Variants in SAMSN1 observed in about 807,000 individuals in gnomAD.
SAMSN1 encodes the protein SAM domain, SH3 domain and nuclear localization signals 1.
In SAMSN1, 31 loss-of-function variants were observed where a neutral mutation model predicts 42.0. The ratio of observed to expected loss-of-function variants is 0.74; its 90% CI spans 0.55 to 1.00. The LOEUF (loss-of-function observed/expected upper bound fraction) is 1.00. Ranked by LOEUF, SAMSN1 falls within the 50% of genes least tolerant of loss-of-function variation. The pLI, the probability that SAMSN1 is intolerant of heterozygous loss-of-function variation, is 0.00. For missense variants in SAMSN1, 464 were observed against 439.4 expected (o/e 1.06, Z -0.50); for synonymous variants, 178 against 151.9 (o/e 1.17, Z -1.26).
intron 2 of SAMSN1, among the ~76,000 whole-genome samples, chr21:14,619,306 C>T (rs2123339527): frequency 6.6e-6 from 1 of 152,234 alleles, no homozygotes; most frequent in East Asian, 1.9e-4. Flanking sequence ...TGTTGCCTAG[C>T]TAATGGAAAT....
intron 1 of SAMSN1, among the ~76,000 whole-genome samples, chr21:14,532,053 G>C (rs1051395104): frequency 2.0e-5 from 3 of 151,998 alleles, no homozygotes; most frequent in Non-Finnish European, 4.4e-5. Context: ...TGGGCCCCCT[G>C]ATTAATGGTC....
intron 2 of SAMSN1, among the ~76,000 whole-genome samples, chr21:14,517,943 G>A (rs1987988222): frequency 6.6e-6 from 1 of 152,078 alleles, no homozygotes; most frequent in African/African-American, 2.4e-5. Flanking sequence ...TATGATCCCT[G>A]GACCAGCGGC....
intron 4 of SAMSN1, 146 bp downstream of exon 4, chr21:14,512,298 C>T (rs1987719942): frequency 1.2e-6 from 1 of 831,022 alleles, no homozygotes; most frequent in African/African-American, 1.7e-5. Context: ...ACAATAGCAA[C>T]TCTATATAGA....
intron 3 of SAMSN1, among the ~76,000 whole-genome samples, chr21:14,514,921 A>G (rs1987837476): frequency 6.6e-6 from 1 of 152,182 alleles, no homozygotes; most frequent in Non-Finnish European, 1.5e-5. Context: ...AAATCATGAG[A>G]GTAGATGAGC....
At chr21:14,590,594 AAAC>A (rs35766223) in intron 7 of SAMSN1, among the ~76,000 whole-genome samples, 122,519 of 151,734 alleles carry the variant, frequency 0.81, 50,162 homozygotes, top group African/African-American at 0.92. Flanking sequence ...GAAATTCTAT[AAAC>A]AACTACAAAA....
At chr21:14,524,902 G>T (rs1327699851) in intron 1 of SAMSN1, among the ~76,000 whole-genome samples, 2 of 152,026 alleles carry the variant, frequency 1.3e-5, no homozygotes, top group Non-Finnish European at 2.9e-5. Context: ...AGTTCATAAG[G>T]ATACTAAAAA....
At chr21:14,584,690 A>T (rs1351248617), upstream of SAMSN1, among the ~76,000 whole-genome samples, 1 of 152,200 alleles carries the variant, frequency 6.6e-6, no homozygotes, top group African/African-American at 2.4e-5. Flanking sequence ...TAGACTCAGA[A>T]ATATTTCTCC....
upstream of SAMSN1, among the ~76,000 whole-genome samples, chr21:14,548,840 C>T (rs538658358): frequency 6.6e-6 from 1 of 151,840 alleles, no homozygotes; most frequent in African/African-American, 2.4e-5. Flanking sequence ...TCAAAAGTCA[C>T]AGATGGACAG....
chr21:14,639,251 A>G (rs771094192), intron 2 of SAMSN1, among the ~76,000 whole-genome samples: 4 of 152,190 alleles, frequency 2.6e-5, no homozygotes, highest in Non-Finnish European at 5.9e-5. Context: ...GTAACAGAAT[A>G]CCTGAGACTG....
At chr21:14,567,254 G>A (rs573353708) in intron 2 of SAMSN1, among the ~76,000 whole-genome samples, 168 of 150,044 alleles carry the variant, frequency 1.1e-3, no homozygotes, top group African/African-American at 4.0e-3. Context: ...AGTTGCACGA[G>A]TAAGTCAGGT....
chr21:14,623,610 AC>A, intron 2 of SAMSN1, among the ~76,000 whole-genome samples: 1 of 152,306 alleles, frequency 6.6e-6, no homozygotes, highest in Admixed American at 6.5e-5. Flanking sequence ...AAACAGAAGC[AC>A]CCAGATTCAT....
intron 5 of SAMSN1, among the ~76,000 whole-genome samples, chr21:14,506,276 CA>C (rs1987397701): frequency 6.6e-6 from 1 of 151,980 alleles, no homozygotes. Flanking sequence ...ATAAATGAAA[CA>C]AAAAGCTGTT....
chr21:14,603,933 T>C (rs1266088270), intron 5 of SAMSN1, among the ~76,000 whole-genome samples: 1 of 152,156 alleles, frequency 6.6e-6, no homozygotes, highest in African/African-American at 2.4e-5. Context: ...GATATACAAA[T>C]ATACGGATTT....
intron 7 of SAMSN1, among the ~76,000 whole-genome samples, chr21:14,489,793 A>T (rs935999505): frequency 6.6e-6 from 1 of 152,170 alleles, no homozygotes; most frequent in African/African-American, 2.4e-5. Flanking sequence ...AAGCCCATGT[A>T]AAAACATTTT....
chr21:14,593,779 T>C (rs1255351613), intron 7 of SAMSN1: 4 of 323,428 alleles, frequency 1.2e-5, no homozygotes, highest in Admixed American at 4.6e-5. Flanking sequence ...TTAGGGAAAA[T>C]TTTTTATATA....
chr21:14,524,402 A>G (rs1600893612), intron 1 of SAMSN1, among the ~76,000 whole-genome samples: 1 of 152,170 alleles, frequency 6.6e-6, no homozygotes, highest in African/African-American at 2.4e-5. Context: ...AGCTTAAATA[A>G]AAATGCTATA....
chr21:14,652,306 G>A (rs1355751413), intron 1 of SAMSN1, among the ~76,000 whole-genome samples: 3 of 151,994 alleles, frequency 2.0e-5, no homozygotes, highest in African/African-American at 7.2e-5. Flanking sequence ...CAGAGCTATA[G>A]TAACCTAAAC....
intron 2 of SAMSN1, among the ~76,000 whole-genome samples, chr21:14,560,276 T>C (rs1352322509): frequency 6.6e-6 from 1 of 152,146 alleles, no homozygotes; most frequent in Non-Finnish European, 1.5e-5. Context: ...GGGCAGAGTA[T>C]ATGATATTAG....
Position 14,485,770 on chromosome 21 carries a change from T to G in SAMSN1, c.*142A>C, listed in dbSNP as rs1986406260. ...GGAATGTTAGAGATACAAAATTTTATGTACAATTATTCAGATTAAAACATT... is the reference window on the plus strand; with the variant it reads ...GGAATGTTAGAGATACAAAATTTTAGGTACAATTATTCAGATTAAAACATT... On this transcript the variant is annotated 3_prime_UTR_variant, in exon 8 of 8. Coordinates refer to ENST00000400566, the MANE Select transcript of SAMSN1 (RefSeq NM_022136.5). 1 of 601,392 alleles carries G rather than the reference T, an allele frequency of 1.7e-6. No homozygotes were observed. The highest frequency in any genetic ancestry group is 1.8e-5 in the African/African-American group (1 of 54,210). The allele number at this position is 601,392 out of a possible 1,614,324, so 37.3% of individuals were successfully genotyped here.
Sources: gnomAD v4.1 joint callset for allele counts (sites outside exome capture counted in the v4.1 genomes callset) on GRCh38, gnomAD v4.1.1 for gene constraint, MANE v1.5 for transcripts, NCBI Gene and HGNC (gene_info 2026-07-23, HGNC 2026-07-21) for gene names.